Variants in TUSC3 observed in about 807,000 individuals in gnomAD.
The protein encoded by TUSC3 is dolichyl-diphosphooligosaccharide--protein glycosyltransferase subunit TUSC3.
A neutral mutation model predicts 44.8 loss-of-function variants in TUSC3; 45 were observed. The observed-to-expected ratio is 1.00, with a 90% CI of 0.79 to 1.29. The LOEUF (loss-of-function observed/expected upper bound fraction) is 1.29. TUSC3 is among the 50% of genes most tolerant of loss of function. The probability of loss-of-function intolerance (pLI) is 0.00; values close to 1 mark genes in which losing one functional copy is unlikely to be tolerated. For missense variants in TUSC3, 519 were observed against 437.9 expected, an observed-to-expected ratio of 1.19 and a Z score of -1.65; for synonymous variants, 212 against 152.9, an observed-to-expected ratio of 1.39 and a Z score of -2.85.
chr8:15,546,605 G>C (rs1265302850), intron 1 of TUSC3, among the ~76,000 whole-genome samples: 1 of 151,532 alleles, frequency 6.6e-6, no homozygotes, highest in Non-Finnish European at 1.5e-5. Flanking sequence ...GCGCAAACTT[G>C]GCTCACTGCA....
At chr8:15,816,023 T>G in the TUSC3 span, among the ~76,000 whole-genome samples, 2 of 152,172 alleles carry the variant, frequency 1.3e-5, no homozygotes, top group African/African-American at 4.8e-5. Flanking sequence ...CTAGATATAT[T>G]AAATCCAAAT....
At chr8:15,783,837 A>G in the TUSC3 span, among the ~76,000 whole-genome samples, 4 of 152,318 alleles carry the variant, frequency 2.6e-5, no homozygotes, top group African/African-American at 9.6e-5. Context: ...ACAGGCAACA[A>G]AAGCAAAAAT....
At position 15,623,068 on chromosome 8, in the gene TUSC3, GT is replaced by G; in HGVS notation, c.139-9del. 1 of 1,613,056 alleles carries G rather than the reference GT, an allele frequency of 6.2e-7. No individual in the cohort carries two copies. Among genetic ancestry groups the G allele is most frequent in the Non-Finnish European group, 8.5e-7 (1 of 1,179,404 alleles). ...ACTCTTTGTAAATGTTAATTTCTGT[GT>G]TTAATTGCAGAATCTTTTAGCTGAA... On this transcript the variant is annotated splice_polypyrimidine_tract_variant and intron_variant, in intron 1 of 10. Transcript: ENST00000503731.
At chr8:15,486,605 C>G (rs1018436411) in intron 2 of TUSC3, among the ~76,000 whole-genome samples, 3 of 151,944 alleles carry the variant, frequency 2.0e-5, no homozygotes, top group Non-Finnish European at 4.4e-5. Flanking sequence ...CCACCATGCC[C>G]TGCTAATTTT....
chr8:15,708,690 A>G (rs1371644086), intron 6 of TUSC3, among the ~76,000 whole-genome samples: 1 of 151,964 alleles, frequency 6.6e-6, no homozygotes, highest in Non-Finnish European at 1.5e-5. Context: ...ACAGTCAATC[A>G]ACGTTTATTT....
chr8:15,496,856 C>A (rs147422003), intron 2 of TUSC3, among the ~76,000 whole-genome samples: 27 of 152,188 alleles, frequency 1.8e-4, no homozygotes, highest in Non-Finnish European at 3.4e-4. Context: ...CATACCATAA[C>A]AGAGTTAGAA....
chr8:15,494,607 G>A (rs1800855599), intron 2 of TUSC3, among the ~76,000 whole-genome samples: 1 of 152,142 alleles, frequency 6.6e-6, no homozygotes, highest in African/African-American at 2.4e-5. Context: ...GTGAGCCACC[G>A]CACCTGGCCT....
chr8:15,606,015 C>G (rs1804508883), intron 1 of TUSC3, among the ~76,000 whole-genome samples: 1 of 151,914 alleles, frequency 6.6e-6, no homozygotes, highest in African/African-American at 2.4e-5. Flanking sequence ...CCGAGGTTCT[C>G]CTGTATTTTT....
intron 3 of TUSC3, among the ~76,000 whole-genome samples, chr8:15,656,367 A>G (rs553399150): frequency 1.3e-5 from 2 of 152,234 alleles, no homozygotes; most frequent in African/African-American, 2.4e-5. Context: ...CAAATTAACT[A>G]CTTCTAAAAT....
intron 2 of TUSC3, among the ~76,000 whole-genome samples, chr8:15,632,558 G>A (rs1407560116): frequency 2.0e-5 from 3 of 152,098 alleles, no homozygotes; most frequent in Non-Finnish European, 4.4e-5. Context: ...AGGAAACAGG[G>A]AGATCAATTG....
At chr8:15,428,821 GT>G (rs1032400391) in intron 1 of TUSC3, among the ~76,000 whole-genome samples, 1 of 151,032 alleles carries the variant, frequency 6.6e-6, no homozygotes, top group Admixed American at 6.6e-5. Context: ...GGGGTTGTTT[GT>G]TTTTTTCTTG....
the TUSC3 span, chr8:15,806,525 A>G: frequency 1.5e-5 from 20 of 1,327,864 alleles, 2 homozygotes; most frequent in South Asian, 2.2e-4. Context: ...AGTGACTTCA[A>G]GCCTGGATCT....
rs575364354 is a variant in TUSC3 at position 15,475,604 on chromosome 8, T to C, written n.92-7782T>C. 2.0e-5 allele frequency among the ~76,000 whole-genome samples: 3 copies of C among 152,206 alleles called. No individual in the cohort carries two copies. In the East Asian group the frequency reaches 5.8e-4, roughly 29 times the overall value. On this transcript the variant is annotated intron_variant and non_coding_transcript_variant, in intron 1 of 5. Transcript: ENST00000503191. ...AGTTGAAAGAAAAAGTATAAGTAAA[T>C]CAACTGGAAAACTGGAGCTCTAGAA...
chr8:15,816,953 T>G, the TUSC3 span, among the ~76,000 whole-genome samples: 1 of 152,220 alleles, frequency 6.6e-6, no homozygotes, highest in Non-Finnish European at 1.5e-5. Flanking sequence ...CTCCAAAATG[T>G]CCTTCCTTTA....
At chr8:15,703,210 G>T (rs956041571) in intron 6 of TUSC3, among the ~76,000 whole-genome samples, 2 of 151,998 alleles carry the variant, frequency 1.3e-5, no homozygotes, top group Non-Finnish European at 2.9e-5. Context: ...AAGTATCAGG[G>T]GACATTAGTA....
At chr8:15,531,550 C>G (rs568221383) in intron 2 of TUSC3, among the ~76,000 whole-genome samples, 13 of 152,210 alleles carry the variant, frequency 8.5e-5, no homozygotes, top group South Asian at 6.2e-4. Context: ...CTGTGCCCAG[C>G]CTAAAGCTTT....
rs10103480 is a variant in TUSC3, at chr8:15,551,041, C to G, written c.138+10473C>G. 4.8e-3 allele frequency among the ~76,000 whole-genome samples: 730 copies of G among 151,800 alleles called. 10 individuals are homozygous for G. The highest frequency in any genetic ancestry group is 0.016 in the African/African-American group (675 of 41,490). ...GATTCTAGTTCCTTTGATTTAAACTCTGTGTTCTTGGGAAAGTCACTTAAC... is the reference window on the plus strand; with the variant it reads ...GATTCTAGTTCCTTTGATTTAAACTGTGTGTTCTTGGGAAAGTCACTTAAC... On this transcript the variant is annotated intron_variant, in intron 1 of 10. Coordinates refer to ENST00000503731, the MANE Select transcript of TUSC3 (RefSeq NM_006765.4).
chr8:15,493,151 T>A (rs1800832589), intron 2 of TUSC3, among the ~76,000 whole-genome samples: 1 of 152,208 alleles, frequency 6.6e-6, no homozygotes, highest in Admixed American at 6.5e-5. Context: ...ATTGAGTAAC[T>A]TATCCAAAGT....
intron 6 of TUSC3, among the ~76,000 whole-genome samples, chr8:15,702,535 ACT>A (rs1809449128): frequency 6.6e-6 from 1 of 151,838 alleles, no homozygotes; most frequent in African/African-American, 2.4e-5. Context: ...TTCACACTGT[ACT>A]CTCTTTCTAG....
Sources: gnomAD v4.1 joint callset for allele counts (sites outside exome capture counted in the v4.1 genomes callset) on GRCh38, gnomAD v4.1.1 for gene constraint, MANE v1.5 for transcripts, NCBI Gene and HGNC (gene_info 2026-07-23, HGNC 2026-07-21) for gene names.